HDAC5: variants seen among roughly 807,000 people sequenced by gnomAD.
HDAC5 encodes antigen NY-CO-9.
Under a neutral mutation model 133.3 loss-of-function variants are expected in HDAC5, and 25 were observed. That is an observed-to-expected ratio of 0.19 (90% CI 0.14 to 0.26). HDAC5 has a LOEUF of 0.26. Ranked by LOEUF, HDAC5 falls within the 10% of genes least tolerant of loss-of-function variation. The pLI is 1.00. For missense variants in HDAC5, 1,041 were observed against 1,460.5 expected, an observed-to-expected ratio of 0.71 and a Z score of 4.68; for synonymous variants, 589 against 610.8, an observed-to-expected ratio of 0.96 and a Z score of 0.53.
intron 2 of HDAC5, among the ~76,000 whole-genome samples, chr17:44,113,682 G>T (rs1345089828): frequency 6.6e-6 from 1 of 152,104 alleles, no homozygotes; most frequent in Non-Finnish European, 1.5e-5. Flanking sequence ...GTCTTCCCCA[G>T]ACTCACTCTG....
In HDAC5 at chr17:44,078,840, T is replaced by A; in HGVS notation, c.3118A>T (p.Asn1040Tyr). Residue 1040 changes from asparagine (N) to tyrosine (Y), a missense_variant, in exon 25 of 27, where the codon AAC becomes TAC. Around this residue, in one of 9 missense-constraint regions of HDAC5, gnomAD observed 174 missense variants for 352.7 expected, o/e 0.49. Coordinates refer to ENST00000682912, the MANE Select transcript of HDAC5 (RefSeq NM_005474.5). ...LDEAVLQQKP[N>Y]INAVATLEKV... is the part of the protein sequence containing the mutation. Reference sequence around the variant, plus strand: ...TCTAGCGTGGCCACTGCGTTGATGTTGGGCTTTTGCTGCAAGACTGCCTCA... The same window carrying A: ...TCTAGCGTGGCCACTGCGTTGATGTAGGGCTTTTGCTGCAAGACTGCCTCA... The A allele has an allele frequency of 6.2e-7, 1 of 1,614,174 alleles. No individual in the cohort carries two copies. The highest frequency in any genetic ancestry group is 8.5e-7 in the Non-Finnish European group (1 of 1,180,022).
Position 44,078,341 on chromosome 17 carries a change from C to T in HDAC5, c.*35G>A, listed in dbSNP as rs747597193. 2.6e-6 allele frequency: 4 copies of T among 1,517,366 alleles called. No homozygotes were observed. The South Asian group carries it at 5.4e-5, about 21-fold the overall frequency. The allele number at this position is 1,517,366 out of a possible 1,614,324, so 94.0% of individuals were successfully genotyped here. A position where few individuals can be genotyped will look rare whatever the true frequency, so the allele number is the denominator to read the frequency against. On this transcript the variant is annotated 3_prime_UTR_variant, in exon 27 of 27. Transcript: ENST00000682912. ...TTAATAGAAAAAATAAACAAAATCA[C>T]AATGGTGAAGCCCAGAGGGATGGGG...
chr17:44,098,078 AG>A (rs2051377996), intron 3 of HDAC5, among the ~76,000 whole-genome samples: 1 of 152,266 alleles, frequency 6.6e-6, no homozygotes, highest in Non-Finnish European at 1.5e-5. Context: ...GCAGCACCCC[AG>A]GGGTTTGCCA....
chr17:44,076,753 G>A lies in HDAC5; in HGVS notation c.*1623C>T, dbSNP rs2050143371. On this transcript the variant is annotated 3_prime_UTR_variant, in exon 27 of 27. Transcript: ENST00000682912. ...GAGAATAGAGACATTGGCCCCAGAA[G>A]GCACTGCCAGAAACAAGTTTATTTA... 1.1e-5 allele frequency: 2 copies of A among 175,032 alleles called. No homozygotes were observed. The highest frequency in any genetic ancestry group is 2.9e-4 in the East Asian group (2 of 7,002). The allele number at this position is 175,032 out of a possible 1,614,324, so 10.8% of individuals were successfully genotyped here. A position where few individuals can be genotyped will look rare whatever the true frequency, so the allele number is the denominator to read the frequency against.
At chr17:44,093,938 G>C (rs2051102205) in intron 3 of HDAC5, 104 bp from the exon 4 acceptor site, 3 of 1,358,890 alleles carry the variant, frequency 2.2e-6, no homozygotes, top group Non-Finnish European at 2.9e-6. Flanking sequence ...GACCCAAAGA[G>C]AACAGAGACA....
chr17:44,090,232 C>T (rs1341249479), intron 11 of HDAC5, among the ~76,000 whole-genome samples: 2 of 150,456 alleles, frequency 1.3e-5, no homozygotes, highest in Admixed American at 6.6e-5. Flanking sequence ...GACTCAGTCT[C>T]GAAAAAAAGA....
At chr17:44,102,048 C>T (rs2051646314) in intron 3 of HDAC5, among the ~76,000 whole-genome samples, 1 of 152,202 alleles carries the variant, frequency 6.6e-6, no homozygotes. Context: ...CCAGGAGGCC[C>T]CCGAGGCTAG....
intron 23 of HDAC5, 39 bp downstream of exon 23, chr17:44,080,067 CA>C: frequency 7.2e-7 from 1 of 1,396,930 alleles, no homozygotes; most frequent in Non-Finnish European, 1.0e-6. Context: ...TCGATATCCT[CA>C]CTGTTTCACT....
chr17:44,113,403 A>G (rs1341136982), intron 2 of HDAC5, among the ~76,000 whole-genome samples: 2 of 152,230 alleles, frequency 1.3e-5, no homozygotes, highest in Admixed American at 1.3e-4. Flanking sequence ...AGACACAGTC[A>G]GAAAATCCTC....
At position 44,091,680 on chromosome 17, in the gene HDAC5, G is replaced by T. The variant is rs747635583; in HGVS notation, c.1164+20C>A. The T allele has an allele frequency of 2.0e-6, 3 of 1,529,748 alleles. No individual in the cohort carries two copies. Among genetic ancestry groups the T allele is most frequent in the Non-Finnish European group, 1.8e-6 (2 of 1,138,930 alleles). The allele number at this position is 1,529,748 out of a possible 1,614,324, so 94.8% of individuals were successfully genotyped here. ...GACCTCAACACCAGAGGGAAGATGG[G>T]GTATATGCCCTGTACTTACAGTGAG... On this transcript the variant is annotated intron_variant, in intron 10 of 26. Coordinates refer to ENST00000682912, the MANE Select transcript of HDAC5 (RefSeq NM_005474.5).
In HDAC5 at chr17:44,083,729, G is replaced by A. The variant is rs376063811; in HGVS notation, c.2355+76C>T. ...GGGAGGGCACCTGGACAGTGGGCCA[G>A]CGGCTGTGGTAGGCAGGGAAGAGAC... On this transcript the variant is annotated intron_variant, in intron 17 of 26. Transcript: ENST00000682912. 5 of 1,581,310 alleles carry A rather than the reference G, an allele frequency of 3.2e-6. No individual in the cohort carries two copies. In the African/African-American group the frequency reaches 4.0e-5, roughly 13 times the overall value.
intron 3 of HDAC5, among the ~76,000 whole-genome samples, chr17:44,103,257 T>C (rs1423310116): frequency 1.3e-5 from 2 of 152,204 alleles, no homozygotes; most frequent in Non-Finnish European, 2.9e-5. Context: ...ATTTCTGTGC[T>C]CTTGTGTGAC....
Position 44,085,117 on chromosome 17 carries a change from T to A in HDAC5, c.2089A>T (p.Met697Leu). The A allele has an allele frequency of 6.2e-7, 1 of 1,603,356 alleles. No homozygotes were observed. Among genetic ancestry groups the A allele is most frequent in the Non-Finnish European group, 8.5e-7 (1 of 1,171,074 alleles). The change falls in exon 15 of 27, where the codon ATG (methionine) becomes TTG (leucine). Residue 697 changes from methionine to leucine, a missense_variant. Around this residue, in one of 9 missense-constraint regions of HDAC5, gnomAD observed 42 missense variants for 101.7 expected, o/e 0.41. Transcript: ENST00000682912. ...YDTFMLKHQC[M>L]CGNTHVHPEH... ...GGGTGCACGTGTGTGTTCCCGCACA[T>A]GCACTGGTGCTTTAGCATGAACGTG...
At position 44,084,629 on chromosome 17, in the gene HDAC5, T is replaced by C; in HGVS notation, c.2231A>G (p.His744Arg). ...ATAGAGCAGGGTGTGGTATTCAGAGTGCACTGTCTGGATCTCATCTAGCGT... is the reference window on the plus strand; with the variant it reads ...ATAGAGCAGGGTGTGGTATTCAGAGCGCACTGTCTGGATCTCATCTAGCGT... The part of the protein sequence containing the change: ...KATLDEIQTV[H>R]SEYHTLLYGT... Residue 744 changes from histidine to arginine, a missense_variant, in exon 16 of 27, where the codon CAC (histidine) becomes CGC (arginine). Physicochemically the swap from His to Arg is conservative, Grantham distance 29. This residue lies in a region of HDAC5 where 42 missense variants were observed against 101.7 expected (regional missense o/e 0.41). Transcript: ENST00000682912. 1 of 1,613,900 alleles carries C rather than the reference T, an allele frequency of 6.2e-7. No individual in the cohort carries two copies. Among genetic ancestry groups the C allele is most frequent in the Non-Finnish European group, 8.5e-7 (1 of 1,179,934 alleles).
At chr17:44,080,927 AC>A in intron 20 of HDAC5, 45 bp from the exon 21 acceptor site, 1 of 1,613,290 alleles carries the variant, frequency 6.2e-7, no homozygotes, top group Non-Finnish European at 8.5e-7. Flanking sequence ...CCGCGCTCTG[AC>A]CCAATGGTCA....
intron 1 of HDAC5, among the ~76,000 whole-genome samples, chr17:44,118,971 T>G (rs1373765284): frequency 6.6e-6 from 1 of 152,094 alleles, no homozygotes; most frequent in Non-Finnish European, 1.5e-5. Context: ...CACAAGAACA[T>G]GAACACACAT....
At chr17:44,106,480 G>C (rs1240151096) in intron 3 of HDAC5, among the ~76,000 whole-genome samples, 1 of 152,186 alleles carries the variant, frequency 6.6e-6, no homozygotes, top group East Asian at 1.9e-4. Flanking sequence ...CGTCTAAAGG[G>C]GTGAGTTGGG....
At chr17:44,087,810 G>A in intron 12 of HDAC5, 114 bp from the exon 13 acceptor site, 1 of 1,297,568 alleles carries the variant, frequency 7.7e-7, no homozygotes, top group Non-Finnish European at 1.0e-6. Flanking sequence ...GAGCTTCTAT[G>A]TGAATTAGAA....
At chr17:44,099,049 G>A (rs1278434768) in intron 3 of HDAC5, among the ~76,000 whole-genome samples, 1 of 152,206 alleles carries the variant, frequency 6.6e-6, no homozygotes, top group Non-Finnish European at 1.5e-5. Context: ...CCGGGAGGCA[G>A]AGGTTGCAGT....
Sources: gnomAD v4.1 joint callset for allele counts (sites outside exome capture counted in the v4.1 genomes callset) on GRCh38, gnomAD v4.1.1 for gene constraint, gnomAD v4.1.1 regional missense constraint, MANE v1.5 for transcripts, NCBI Gene and HGNC (gene_info 2026-07-23, HGNC 2026-07-21) for gene names.